The following TNXB variants were observed in gnomAD, a reference collection of about 807,000 sequenced individuals.
TNXB encodes tenascin-X.
In TNXB, 183 loss-of-function variants were observed where a neutral mutation model predicts 340.5. The observed-to-expected ratio is 0.54, with a 90% CI of 0.48 to 0.61. The LOEUF is 0.61. TNXB is among the 20% of genes least tolerant of loss of function. The pLI is 0.00. For missense variants in TNXB, 4,613 were observed against 5,446.4 expected (o/e 0.85, Z 4.82); for synonymous variants, 2,121 against 2,314.5 (o/e 0.92, Z 2.40).
At chr6:32,086,914 C>T (rs1779810516) in intron 6 of TNXB, among the ~76,000 whole-genome samples, 1 of 152,250 alleles carries the variant, frequency 6.6e-6, no homozygotes, top group Non-Finnish European at 1.5e-5. Flanking sequence ...CCAGCCCACT[C>T]AAACTGCTCC....
intron 1 of TNXB, among the ~76,000 whole-genome samples, chr6:32,102,585 A>T (rs2127300740): frequency 6.6e-6 from 1 of 152,322 alleles, no homozygotes; most frequent in Admixed American, 6.5e-5. Flanking sequence ...AAGAAAAAAG[A>T]AAAAAGAAAA....
At position 32,074,455 on chromosome 6, in the gene TNXB, G is replaced by A. The variant is rs1352191492; in HGVS notation, c.4376-503C>T. Reference sequence around the variant, plus strand: ...TGAGGCTGCATTTGTTGGGGGAGAAGAGTATCAACCATCACTGACACCCTG... The same window carrying A: ...TGAGGCTGCATTTGTTGGGGGAGAAAAGTATCAACCATCACTGACACCCTG... On this transcript the variant is annotated intron_variant, in intron 11 of 43. Coordinates refer to ENST00000644971, the MANE Select transcript of TNXB (RefSeq NM_001365276.2). The surrounding 1 kb of genome is among the most constrained non-coding windows in gnomAD (Gnocchi z 5.5). Among the ~76,000 whole-genome samples, 2 of 152,174 alleles carry A rather than the reference G, an allele frequency of 1.3e-5. No homozygotes were observed. Among genetic ancestry groups the A allele is most frequent in the African/African-American group, 4.8e-5 (2 of 41,440 alleles).
chr6:32,082,093 G>C lies in TNXB; in HGVS notation c.3679C>G (p.Leu1227Val). The change falls in exon 9 of 44, where the codon CTG becomes GTG. Residue 1227 changes from leucine to valine, a missense_variant. Physicochemically the swap from Leu to Val is conservative, Grantham distance 32. This residue lies in a region of TNXB where 4,327 missense variants were observed against 4,859.4 expected (regional missense o/e 0.89). Transcript: ENST00000644971. The surrounding 1 kb of genome is among the most constrained non-coding windows in gnomAD (Gnocchi z 5.0). ...LDPDHKYRFT[L>V]FGIANKKRYG... ...CGCTTCTTGTTCGCAATTCCAAACA[G>C]AGTGAATCTGTACTTGTGGTCAGGG... 1 of 1,610,528 alleles carries C rather than the reference G, an allele frequency of 6.2e-7. No individual in the cohort carries two copies. The highest frequency in any genetic ancestry group is 1.3e-5 in the African/African-American group (1 of 75,018).
At position 32,046,336 on chromosome 6, in the gene TNXB, T is replaced by C. The variant is rs773312269; in HGVS notation, c.10445A>G (p.Gln3482Arg). 1 of 1,605,840 alleles carries C rather than the reference T, an allele frequency of 6.2e-7. No individual in the cohort carries two copies. Among genetic ancestry groups the C allele is most frequent in the Non-Finnish European group, 8.5e-7 (1 of 1,177,662 alleles). Residue 3482 changes from glutamine (Q) to arginine (R), a missense_variant, in exon 31 of 44, where the codon CAG (glutamine) becomes CGG (arginine). Transcript: ENST00000644971. This position sits in a 1 kb window ranked among gnomAD's most constrained non-coding sequence, Gnocchi z 6.9. ...AQGPFDSFVVQYRDTDGQPRA... is the reference protein window; with the variant it reads ...AQGPFDSFVVRYRDTDGQPRA... The stretch of plus-strand genomic sequence containing the variant: ...GGGCTGCCCGTCCGTGTCCCTGTAC[T>C]GGACCACGAAGGAGTCAAAGGGGCC...
chr6:32,061,808 G>A lies in TNXB; in HGVS notation c.7169-88C>T. On this transcript the variant is annotated intron_variant, in intron 20 of 43. Transcript: ENST00000644971. The surrounding 1 kb of genome is among the most constrained non-coding windows in gnomAD (Gnocchi z 4.4). Reference sequence around the variant, plus strand: ...AAAAGGAGGGAGAAGGCTATGACTAGGGGACATATGAAATAGCCAAGGCTA... The same window carrying A: ...AAAAGGAGGGAGAAGGCTATGACTAAGGGACATATGAAATAGCCAAGGCTA... 2 of 1,509,770 alleles carry A rather than the reference G, an allele frequency of 1.3e-6. No homozygotes were observed. Among genetic ancestry groups the A allele is most frequent in the Non-Finnish European group, 1.8e-6 (2 of 1,119,252 alleles). The allele number at this position is 1,509,770 out of a possible 1,614,324, so 93.5% of individuals were successfully genotyped here.
At position 32,096,221 on chromosome 6, in the gene TNXB, C is replaced by T. The variant is rs745781813; in HGVS notation, c.1632G>A (p.Val544=). The T allele has an allele frequency of 3.8e-6, 6 of 1,569,438 alleles. No individual in the cohort carries two copies. The highest frequency in any genetic ancestry group is 1.9e-5 in the Admixed American group (1 of 53,482). The change falls in exon 3 of 44, where the codon GTG becomes GTA. Residue 544 remains valine (V), a synonymous_variant. Transcript: ENST00000644971. ...GHGLCEDGVC[V]CDAGYSGEDC... Reference sequence around the variant, plus strand: ...CTTCCCCTGAGTAGCCTGCGTCACACACGCACACGCCATCCTCGCAAAGGC... The same window carrying T: ...CTTCCCCTGAGTAGCCTGCGTCACATACGCACACGCCATCCTCGCAAAGGC...
At chr6:32,071,734 C>T (rs529376179) in intron 13 of TNXB, among the ~76,000 whole-genome samples, 16 of 152,130 alleles carry the variant, frequency 1.1e-4, no homozygotes, top group Non-Finnish European at 2.4e-4. Context: ...TACTAGCACC[C>T]ATCACCACAC....
intron 26 of TNXB, among the ~76,000 whole-genome samples, chr6:32,050,801 C>A (rs988459956): frequency 6.6e-6 from 1 of 152,150 alleles, no homozygotes; most frequent in Non-Finnish European, 1.5e-5. Context: ...TCCCCAACCT[C>A]CAGTCCCCGA....
chr6:32,072,474 T>A lies in TNXB; in HGVS notation c.4682-176A>T, dbSNP rs1481986240. Among the ~76,000 whole-genome samples the A allele has an allele frequency of 6.6e-6, 1 of 151,956 alleles. No homozygotes were observed. The highest frequency in any genetic ancestry group is 1.5e-5 in the Non-Finnish European group (1 of 68,000). On this transcript the variant is annotated intron_variant, in intron 12 of 43. Coordinates refer to ENST00000644971, the MANE Select transcript of TNXB (RefSeq NM_001365276.2). The surrounding 1 kb of genome is among the most constrained non-coding windows in gnomAD (Gnocchi z 4.4). ...AACTAATATAGAAAACCCACCAGAG[T>A]AGAATTATTGTGACTTTGTTACCAA...
chr6:32,048,978 C>A (rs1179500409), intron 28 of TNXB, among the ~76,000 whole-genome samples: 1 of 152,186 alleles, frequency 6.6e-6, no homozygotes, highest in Non-Finnish European at 1.5e-5. Context: ...ACTTTCTGAG[C>A]CACTAAAATA....
intron 34 of TNXB, 53 bp from the exon 35 acceptor site, chr6:32,043,945 G>A (rs1445638812): frequency 1.4e-5 from 22 of 1,611,444 alleles, no homozygotes; most frequent in Admixed American, 3.3e-5. Context: ...GCAGCTGGAG[G>A]GTGGGCAGAG....
chr6:32,058,195 G>C lies in TNXB; in HGVS notation c.7688C>G (p.Pro2563Arg). 1 of 1,612,386 alleles carries C rather than the reference G, an allele frequency of 6.2e-7. No individual in the cohort carries two copies. The highest frequency in any genetic ancestry group is 8.5e-7 in the Non-Finnish European group (1 of 1,179,846). ...CTGGCCCCCAACACGCACCGCCTGG[G>C]GCCGCCCGTCCCTGTCCTTGTACTG... The part of the protein sequence containing the change: ...TVQYKDRDGR[P>R]QAVRVGGQES... The change falls in exon 22 of 44, where the codon CCC (proline) becomes CGC (arginine). Residue 2563 changes from proline (P) to arginine (R), a missense_variant. By Grantham distance (103) the Pro-to-Arg change is moderately radical. Coordinates refer to ENST00000644971, the MANE Select transcript of TNXB (RefSeq NM_001365276.2). The surrounding 1 kb of genome is among the most constrained non-coding windows in gnomAD (Gnocchi z 5.1).
At position 32,071,609 on chromosome 6, in the gene TNXB, G is replaced by A. The variant is rs576444270; in HGVS notation, c.4990+381C>T. Among the ~76,000 whole-genome samples the A allele has an allele frequency of 4.1e-5, 6 of 145,734 alleles. No individual in the cohort carries two copies. The South Asian group carries it at 8.5e-4, about 21-fold the overall frequency. On this transcript the variant is annotated intron_variant, in intron 13 of 43. Transcript: ENST00000644971. ...TTTTTTTTTTGGTCTTTTTTGAGAC[G>A]GAGTCTGGCTCTATCACCCAGGCTG...
intron 24 of TNXB, among the ~76,000 whole-genome samples, chr6:32,054,187 C>T (rs1777489311): frequency 6.6e-6 from 1 of 152,112 alleles, no homozygotes; most frequent in South Asian, 2.1e-4. Flanking sequence ...TCCTCCCCCA[C>T]CTCCAGTCCC....
At position 32,072,827 on chromosome 6, in the gene TNXB, C is replaced by G. The variant is rs204881; in HGVS notation, c.4682-529G>C. ...TTAGCTGGGTGTGGTGGCACGTGCC[C>G]GTAATCCCAGTTACTCGGGAGGCTG... On this transcript the variant is annotated intron_variant, in intron 12 of 43. Transcript: ENST00000644971. The surrounding 1 kb of genome is among the most constrained non-coding windows in gnomAD (Gnocchi z 4.4). 2.0e-5 allele frequency among the ~76,000 whole-genome samples: 3 copies of G among 151,982 alleles called. No homozygotes were observed. Among genetic ancestry groups the G allele is most frequent in the Non-Finnish European group, 2.9e-5 (2 of 68,014 alleles).
chr6:32,102,852 G>A (rs1301333423), intron 1 of TNXB, among the ~76,000 whole-genome samples: 1 of 152,108 alleles, frequency 6.6e-6, no homozygotes, highest in East Asian at 1.9e-4. Flanking sequence ...TCCCAGAGGC[G>A]GAGGTTGCAG....
rs371257003 is a variant in TNXB at position 32,069,072 on chromosome 6, G to C, written c.5652C>G (p.Leu1884=). ...APTPPAPEPH[L]GELTVEEATS... ...TGGCCTCCTCCACTGTCAACTCCCC[G>C]AGGTGGGGCTCAGGCGCTGGAGGGG... The change falls in exon 16 of 44, where the codon CTC becomes CTG. Residue 1884 remains leucine, a synonymous_variant. Transcript: ENST00000644971. This position sits in a 1 kb window ranked among gnomAD's most constrained non-coding sequence, Gnocchi z 6.2. 32 of 1,612,748 alleles carry C rather than the reference G, an allele frequency of 2.0e-5. No homozygotes were observed. In the African/African-American group the frequency reaches 4.0e-4, roughly 20 times the overall value.
At position 32,062,235 on chromosome 6, in the gene TNXB, C is replaced by T; in HGVS notation, c.7090G>A (p.Asp2364Asn). ...TACAGGTTCATCTTGTACTTGTTGTCTGGCTCCAGGCCGGAGATGGTGACC... is the reference window on the plus strand; with the variant it reads ...TACAGGTTCATCTTGTACTTGTTGTTTGGCTCCAGGCCGGAGATGGTGACC... ...DRVTISGLEP[D>N]NKYKMNLYGF... The change falls in exon 20 of 44, where the codon GAC becomes AAC. Residue 2364 changes from aspartate to asparagine, a missense_variant. Around this residue, in one of 7 missense-constraint regions of TNXB, gnomAD observed 4,327 missense variants for 4,859.4 expected, o/e 0.89. Coordinates refer to ENST00000644971, the MANE Select transcript of TNXB (RefSeq NM_001365276.2). This position sits in a 1 kb window ranked among gnomAD's most constrained non-coding sequence, Gnocchi z 4.3. The T allele has an allele frequency of 1.2e-6, 2 of 1,613,320 alleles. No homozygotes were observed. The highest frequency in any genetic ancestry group is 1.7e-6 in the Non-Finnish European group (2 of 1,179,900).
chr6:32,084,283 C>T lies in TNXB; in HGVS notation c.3445+130G>A. ...CTTTGCCTGCCCCACCACTACTTTC[C>T]CTTCAGAATTCAGCTCATGCACCAC... On this transcript the variant is annotated intron_variant, in intron 8 of 43. Coordinates refer to ENST00000644971, the MANE Select transcript of TNXB (RefSeq NM_001365276.2). This position sits in a 1 kb window ranked among gnomAD's most constrained non-coding sequence, Gnocchi z 5.5. The T allele has an allele frequency of 1.1e-6, 1 of 904,054 alleles. No individual in the cohort carries two copies. Among genetic ancestry groups the T allele is most frequent in the Non-Finnish European group, 1.6e-6 (1 of 629,872 alleles). 56.0% of individuals were successfully genotyped at this position (904,054 alleles called of 1,614,324 possible).
Sources: allele counts gnomAD v4.1 joint callset (sites outside exome capture counted in the v4.1 genomes callset), GRCh38; gene constraint gnomAD v4.1.1; regional missense constraint gnomAD v4.1.1; non-coding constraint Gnocchi (gnomAD v3.1); transcripts MANE v1.5; gene names NCBI Gene and HGNC (gene_info 2026-07-23, HGNC 2026-07-21).